The following ZNF273 variants were observed in gnomAD, a reference collection of about 807,000 sequenced individuals.
ZNF273 encodes zinc finger protein 273, also known as zinc finger protein 9.
ZNF273 carries 11 observed loss-of-function variants against 14.9 expected under a neutral mutation model. The observed-to-expected ratio is 0.74, with a 90% CI of 0.46 to 1.22. The LOEUF is 1.22. ZNF273 is among the 50% of genes most tolerant of loss of function. The probability of loss-of-function intolerance (pLI) is 0.00; values close to 1 mark genes in which losing one functional copy is unlikely to be tolerated. For synonymous variants in ZNF273, 199 were observed against 223.9 expected (o/e 0.89, Z 0.99); for missense variants, 577 against 660.6 (o/e 0.87, Z 1.39).
downstream of ZNF273, chr7:64,888,971 C>T (rs1791785081): frequency 1.0e-6 from 1 of 983,200 alleles, no homozygotes; most frequent in African/African-American, 1.7e-5. Context: ...CACCCAGCCG[C>T]CGTGGTCAAG....
intron 3 of ZNF273, among the ~76,000 whole-genome samples, chr7:64,925,126 C>A (rs1794711221): frequency 6.6e-6 from 1 of 151,822 alleles, no homozygotes; most frequent in African/African-American, 2.4e-5. Context: ...TTAAATAAAT[C>A]CCTTTATTAA....
At chr7:64,899,262 A>G (rs1792541252), upstream of ZNF273, among the ~76,000 whole-genome samples, 1 of 152,266 alleles carries the variant, frequency 6.6e-6, no homozygotes, top group African/African-American at 2.4e-5. Flanking sequence ...ATTGAAAAAA[A>G]ATGTGATTTT....
chr7:64,933,677 T>C (rs1795035800), downstream of ZNF273: 1 of 152,250 alleles, frequency 6.6e-6, no homozygotes, highest in South Asian at 2.1e-4. Flanking sequence ...GTATTTTTGA[T>C]ACTATTCAGC....
chr7:64,935,718 C>T (rs183113239), downstream of ZNF273, among the ~76,000 whole-genome samples: 3 of 152,078 alleles, frequency 2.0e-5, no homozygotes, highest in South Asian at 2.1e-4. Context: ...AATGGGGTTT[C>T]GCCATATTGA....
rs1794948381 is a variant in ZNF273 at position 64,930,039 on chromosome 7, G to GT, written c.*1005dup. The GT allele has an allele frequency of 6.6e-6, 1 of 151,954 alleles. No homozygotes were observed. The highest frequency in any genetic ancestry group is 2.1e-4 in the South Asian group (1 of 4,824). The allele number at this position is 151,954 out of a possible 1,614,324, so 9.4% of individuals were successfully genotyped here. A position where few individuals can be genotyped will look rare whatever the true frequency, so the allele number is the denominator to read the frequency against. On this transcript the variant is annotated 3_prime_UTR_variant, in exon 4 of 4. Coordinates refer to ENST00000476120, the MANE Select transcript of ZNF273 (RefSeq NM_021148.3). ...GTGCCACACCTGGCTAATTTTTGTG[G>GT]TTTTAGTAGAGACAGGGTTTCTCCA... is the stretch of plus-strand genomic sequence containing the variant.
At chr7:64,932,478 G>T (rs1259024859), downstream of ZNF273, among the ~76,000 whole-genome samples, 1 of 151,816 alleles carries the variant, frequency 6.6e-6, no homozygotes, top group African/African-American at 2.4e-5. Context: ...GGCTAATTTT[G>T]TATTTTTAGT....
downstream of ZNF273, chr7:64,889,077 C>T (rs982295766): frequency 5.1e-6 from 5 of 985,874 alleles, no homozygotes; most frequent in Non-Finnish European, 6.0e-6. The surrounding 1 kb of genome is among the most constrained non-coding windows in gnomAD (Gnocchi z 4.2). Flanking sequence ...TAGAGCGCAG[C>T]CGTTTTGCGG....
chr7:64,907,272 T>C (rs749698746), intron 1 of ZNF273, among the ~76,000 whole-genome samples: 1 of 152,210 alleles, frequency 6.6e-6, no homozygotes, highest in African/African-American at 2.4e-5. Flanking sequence ...GGTGTTTCTT[T>C]CCATCAACTG....
At chr7:64,922,636 A>G (rs910996936) in intron 3 of ZNF273, among the ~76,000 whole-genome samples, 35 of 151,434 alleles carry the variant, frequency 2.3e-4, no homozygotes, top group African/African-American at 7.8e-4. Context: ...TTTTGTAGAG[A>G]CAGAGCTTTG....
Position 64,922,330 on chromosome 7 carries a change from G to GT in ZNF273, c.325+4048dup, listed in dbSNP as rs1421076645. Among the ~76,000 whole-genome samples the GT allele has an allele frequency of 1.5e-3, 211 of 145,466 alleles. 2 individuals are homozygous for GT. Among genetic ancestry groups the GT allele is most frequent in the Admixed American group, 1.8e-3 (26 of 14,504 alleles). On this transcript the variant is annotated intron_variant, in intron 3 of 3. Coordinates refer to ENST00000476120, the MANE Select transcript of ZNF273 (RefSeq NM_021148.3). Reference sequence around the variant, plus strand: ...TTAGTTTCTTTGTTTTTGTTTTTTTGTTTTTTTTTTCCCCCGGAGACAGAG... The same window carrying GT: ...TTAGTTTCTTTGTTTTTGTTTTTTTGTTTTTTTTTTTCCCCCGGAGACAGAG...
chr7:64,924,547 A>G (rs1794683037), intron 3 of ZNF273: 2 of 151,954 alleles, frequency 1.3e-5, no homozygotes, highest in African/African-American at 4.8e-5. Context: ...GCGCGCGCAA[A>G]TTTGTCATAG....
chr7:64,912,841 T>TTTTTTTTTTTTTTTTTG (rs1793659077), intron 1 of ZNF273, among the ~76,000 whole-genome samples: 1 of 121,504 alleles, frequency 8.2e-6, no homozygotes, highest in East Asian at 2.3e-4. Context: ...TTTTTTTTTT[T>TTTTTTTTTTTTTTTTTG]TTTTTGAGAT....
At chr7:64,879,099 T>C (rs1791186479) in intron 2 of ZNF273, among the ~76,000 whole-genome samples, 1 of 152,230 alleles carries the variant, frequency 6.6e-6, no homozygotes, top group Non-Finnish European at 1.5e-5. Flanking sequence ...ATCTAGGCTG[T>C]GTTTCATTTC....
At chr7:64,877,980 G>A (rs67686910) in intron 1 of ZNF273, 12,683 of 152,346 alleles carry the variant, frequency 0.083, 673 homozygotes, top group South Asian at 0.18. Flanking sequence ...GTTTCTGTGG[G>A]AGTGTTGCGA....
intron 1 of ZNF273, among the ~76,000 whole-genome samples, chr7:64,905,583 AT>A (rs1215042273): frequency 6.6e-6 from 1 of 151,680 alleles, no homozygotes; most frequent in Non-Finnish European, 1.5e-5. Flanking sequence ...TTCTCTTAAC[AT>A]TTGTGAAAGA....
At chr7:64,882,106 C>T (rs539067685), downstream of ZNF273, among the ~76,000 whole-genome samples, 324 of 152,270 alleles carry the variant, frequency 2.1e-3, no homozygotes, top group African/African-American at 7.4e-3. Flanking sequence ...GAAGGGAGGC[C>T]GTGAGCTCAA....
At chr7:64,899,980 G>C (rs915344509), upstream of ZNF273, among the ~76,000 whole-genome samples, 17 of 151,918 alleles carry the variant, frequency 1.1e-4, no homozygotes, top group South Asian at 2.1e-4. Flanking sequence ...GGCTGGTCTC[G>C]AACTCCCAAC....
chr7:64,885,737 G>A (rs866588623), intron 1 of ZNF273, among the ~76,000 whole-genome samples: 9 of 152,178 alleles, frequency 5.9e-5, no homozygotes, highest in Admixed American at 1.3e-4. Flanking sequence ...TGAGAAGCCC[G>A]CCCACGGAAA....
At chr7:64,900,668 G>A (rs75441972), upstream of ZNF273, among the ~76,000 whole-genome samples, 2 of 152,270 alleles carry the variant, frequency 1.3e-5, no homozygotes, top group African/African-American at 4.8e-5. Flanking sequence ...AAAAATTAGG[G>A]TGGGGGCGGC....
Sources: gnomAD v4.1 joint callset for allele counts (sites outside exome capture counted in the v4.1 genomes callset) on GRCh38, gnomAD v4.1.1 for gene constraint, Gnocchi (gnomAD v3.1) non-coding constraint, MANE v1.5 for transcripts, NCBI Gene and HGNC (gene_info 2026-07-23, HGNC 2026-07-21) for gene names.